CD53: variants seen among roughly 807,000 people sequenced by gnomAD.
CD53 encodes CD53 molecule, also known as leukocyte surface antigen CD53.
CD53 carries 20 observed loss-of-function variants against 27.3 expected under a neutral mutation model. The ratio of observed to expected loss-of-function variants is 0.73; its 90% CI spans 0.52 to 1.07. CD53 has a LOEUF of 1.07. CD53 is among the 50% of genes least tolerant of loss of function. The pLI is 0.00. For synonymous variants in CD53, 106 were observed against 105.3 expected (o/e 1.01, Z -0.04); for missense variants, 216 against 264.0 (o/e 0.82, Z 1.26).
In CD53 at chr1:110,885,421, C is replaced by T. The variant is rs568348976; in HGVS notation, c.-17-5971C>T. Among the ~76,000 whole-genome samples the T allele has an allele frequency of 1.6e-4, 24 of 152,306 alleles. 1 individual carries two copies. Among genetic ancestry groups the T allele is most frequent in the Middle Eastern group, 3.4e-3 (1 of 294 alleles). ...GACGTGGTGGCAGGCGCCTGTAGTCCTAGCCACTCGGGAGGCTGAGGCAGG... is the reference window on the plus strand; with the variant it reads ...GACGTGGTGGCAGGCGCCTGTAGTCTTAGCCACTCGGGAGGCTGAGGCAGG... On this transcript the variant is annotated intron_variant, in intron 1 of 7. Coordinates refer to ENST00000271324, the MANE Select transcript of CD53 (RefSeq NM_000560.4).
intron 1 of CD53, among the ~76,000 whole-genome samples, chr1:110,875,311 A>T (rs1204421781): frequency 6.6e-6 from 1 of 152,184 alleles, no homozygotes; most frequent in Non-Finnish European, 1.5e-5. Flanking sequence ...GGAGGGCAAG[A>T]TCGCTCACCA....
At chr1:110,891,334 T>C in intron 1 of CD53, 58 bp from the exon 2 acceptor site, 1 of 1,170,058 alleles carries the variant, frequency 8.5e-7, no homozygotes, top group Non-Finnish European at 1.3e-6. Flanking sequence ...TTGTGCACTC[T>C]GATCTCTGGC....
intron 1 of CD53, among the ~76,000 whole-genome samples, chr1:110,888,770 A>G (rs1656730316): frequency 1.3e-5 from 2 of 152,218 alleles, no homozygotes. Flanking sequence ...CTAAGTGTAT[A>G]TTTTACACTT....
chr1:110,886,365 C>G (rs6679497), intron 1 of CD53, among the ~76,000 whole-genome samples: 65,727 of 151,834 alleles, frequency 0.43, 15,751 homozygotes, highest in Admixed American at 0.56. Context: ...GCTTGGAGTT[C>G]ATTGAGCTAT....
intron 5 of CD53, among the ~76,000 whole-genome samples, chr1:110,895,848 G>A (rs985296478): frequency 3.3e-5 from 5 of 151,810 alleles, no homozygotes; most frequent in South Asian, 2.1e-4. Flanking sequence ...CACTTTTTTC[G>A]TTAGAATATG....
At chr1:110,880,195 G>A (rs1494322) in intron 1 of CD53, 108,733 of 151,898 alleles carry the variant, frequency 0.72, 41,314 homozygotes, top group Non-Finnish European at 0.84. Flanking sequence ...GAGGGGTGTC[G>A]GTTCCTCTAG....
chr1:110,890,726 A>C (rs535069628), intron 1 of CD53, among the ~76,000 whole-genome samples: 1 of 152,170 alleles, frequency 6.6e-6, no homozygotes, highest in Non-Finnish European at 1.5e-5. Flanking sequence ...TAAAGCTTAC[A>C]TTGCTATCTC....
chr1:110,895,644 G>A (rs1384578555), intron 5 of CD53, among the ~76,000 whole-genome samples: 1 of 152,136 alleles, frequency 6.6e-6, no homozygotes, highest in African/African-American at 2.4e-5. Flanking sequence ...ATTAGAGCCT[G>A]GAGACCAGAA....
At chr1:110,884,391 G>A (rs1656483102) in intron 1 of CD53, among the ~76,000 whole-genome samples, 1 of 151,984 alleles carries the variant, frequency 6.6e-6, no homozygotes, top group African/African-American at 2.4e-5. Context: ...GTCCAGAATG[G>A]TCTATCTTGG....
chr1:110,898,566 G>A (rs1182513208), intron 7 of CD53, among the ~76,000 whole-genome samples: 1 of 151,898 alleles, frequency 6.6e-6, no homozygotes, highest in African/African-American at 2.4e-5. Flanking sequence ...CATGTTAAGG[G>A]GCTGATGACG....
intron 1 of CD53, among the ~76,000 whole-genome samples, chr1:110,878,925 T>A (rs1311645236): frequency 6.6e-6 from 1 of 152,230 alleles, no homozygotes; most frequent in Non-Finnish European, 1.5e-5. Flanking sequence ...TACTTGCATT[T>A]ATTTATTTAT....
intron 1 of CD53, among the ~76,000 whole-genome samples, chr1:110,879,642 A>C (rs541550368): frequency 1.3e-5 from 2 of 152,256 alleles, no homozygotes; most frequent in East Asian, 1.9e-4. Flanking sequence ...TGTAGCACCA[A>C]AGCTGTCTTA....
At chr1:110,891,549 TGG>T in intron 2 of CD53, 78 bp downstream of exon 2, 1 of 664,794 alleles carries the variant, frequency 1.5e-6, no homozygotes, top group South Asian at 1.9e-5. Context: ...CTGAAGAGGC[TGG>T]TGTGGGGTAA....
chr1:110,879,109 G>A (rs1377747323), intron 1 of CD53, among the ~76,000 whole-genome samples: 1 of 151,840 alleles, frequency 6.6e-6, no homozygotes, highest in East Asian at 1.9e-4. Context: ...TTCTTGCCCC[G>A]TGTATGTTTT....
intron 2 of CD53, 49 bp from the exon 3 acceptor site, chr1:110,892,296 C>G: frequency 1.5e-6 from 2 of 1,360,172 alleles, no homozygotes; most frequent in Non-Finnish European, 2.1e-6. Context: ...TGAGGAGATA[C>G]CCAAGAACCA....
rs555766627 is a variant in CD53 at position 110,892,237 on chromosome 1, T to C, written c.64-108T>C. ...AAGAAATTGTTCATGAGACTCTTGA[T>C]TGAGCCAGTTAAAAATAAAGTGATT... On this transcript the variant is annotated intron_variant, in intron 2 of 7. Coordinates refer to ENST00000271324, the MANE Select transcript of CD53 (RefSeq NM_000560.4). The C allele has an allele frequency of 4.7e-5, 40 of 843,908 alleles. No individual in the cohort carries two copies. In the African/African-American group the frequency reaches 5.1e-4, roughly 11 times the overall value. 52.3% of individuals were successfully genotyped at this position (843,908 alleles called of 1,614,324 possible). A position where few individuals can be genotyped will look rare whatever the true frequency, so the allele number is the denominator to read the frequency against.
At chr1:110,888,809 A>T (rs1324619909) in intron 1 of CD53, among the ~76,000 whole-genome samples, 10 of 152,214 alleles carry the variant, frequency 6.6e-5, no homozygotes, top group Non-Finnish European at 4.4e-5. Context: ...GACTAGCCAG[A>T]TTCTAAGTGC....
At chr1:110,877,552 A>G (rs1436492917) in intron 1 of CD53, among the ~76,000 whole-genome samples, 2 of 152,194 alleles carry the variant, frequency 1.3e-5, no homozygotes, top group Non-Finnish European at 2.9e-5. Context: ...GTATCTTGCT[A>G]AGCTCCCACA....
chr1:110,895,192 A>G, intron 5 of CD53, 137 bp downstream of exon 5: 1 of 657,674 alleles, frequency 1.5e-6, no homozygotes, highest in South Asian at 1.7e-5. Flanking sequence ...TGCCTTGGCT[A>G]TCACAAACAT....
Sources: allele counts gnomAD v4.1 joint callset (sites outside exome capture counted in the v4.1 genomes callset), GRCh38; gene constraint gnomAD v4.1.1; transcripts MANE v1.5; gene names NCBI Gene and HGNC (gene_info 2026-07-23, HGNC 2026-07-21).